Variants in FRMPD2 observed in about 807,000 individuals in gnomAD.
FRMPD2 encodes the protein FERM and PDZ domain-containing protein 2.
In FRMPD2, 96 loss-of-function variants were observed where a neutral mutation model predicts 140.1. The observed-to-expected ratio is 0.69, with a 90% CI of 0.58 to 0.81. The LOEUF is 0.81. Ranked by LOEUF, FRMPD2 falls within the 40% of genes least tolerant of loss-of-function variation. The probability of loss-of-function intolerance (pLI) is 0.00; values close to 1 mark genes in which losing one functional copy is unlikely to be tolerated. For missense variants in FRMPD2, 1,240 were observed against 1,447.4 expected, an observed-to-expected ratio of 0.86 and a Z score of 2.32; for synonymous variants, 449 against 547.6, an observed-to-expected ratio of 0.82 and a Z score of 2.52.
chr10:48,240,606 G>A (rs1441194764), intron 5 of FRMPD2, 114 bp from the exon 6 acceptor site: 28 of 1,422,350 alleles, frequency 2.0e-5, no homozygotes, highest in Admixed American at 3.7e-5. Flanking sequence ...TGCCCTATAC[G>A]GTGACCTAAA....
intron 10 of FRMPD2, among the ~76,000 whole-genome samples, chr10:48,227,992 G>T (rs1434938949): frequency 1.3e-5 from 2 of 151,988 alleles, no homozygotes; most frequent in Non-Finnish European, 2.9e-5. Context: ...GTTTAAGATG[G>T]TAAAATTGTA....
chr10:48,232,025 G>A (rs1025927890), intron 10 of FRMPD2, 90 bp downstream of exon 10: 2 of 1,256,718 alleles, frequency 1.6e-6, no homozygotes, highest in African/African-American at 3.0e-5. Context: ...GTCTCAAACA[G>A]TTTTCCCAGA....
intron 13 of FRMPD2, among the ~76,000 whole-genome samples, chr10:48,207,265 T>C (rs1006193670): frequency 1.3e-5 from 2 of 152,084 alleles, no homozygotes; most frequent in African/African-American, 4.8e-5. Context: ...TTTTTTAGAA[T>C]TCATACTCTT....
chr10:48,188,887 T>A lies in FRMPD2; in HGVS notation c.2166-1595A>T, dbSNP rs548391578. ...CACTCATCTGAGGAACCTGGAGCAG[T>A]CACATTCATAGACCAGGAGGAGCAC... On this transcript the variant is annotated intron_variant, in intron 16 of 28. Transcript: ENST00000374201. 3.3e-5 allele frequency among the ~76,000 whole-genome samples: 5 copies of A among 152,240 alleles called. No individual in the cohort carries two copies. The South Asian group carries it at 1.0e-3, about 32-fold the overall frequency.
chr10:48,173,510 C>T (rs561123480), intron 24 of FRMPD2, among the ~76,000 whole-genome samples: 2 of 151,330 alleles, frequency 1.3e-5, no homozygotes, highest in Non-Finnish European at 2.9e-5. Flanking sequence ...TGCCCCCTCC[C>T]CTCCACCTCC....
chr10:48,238,674 T>C (rs1315860729), intron 7 of FRMPD2, among the ~76,000 whole-genome samples: 1 of 152,222 alleles, frequency 6.6e-6, no homozygotes, highest in Non-Finnish European at 1.5e-5. Context: ...CAGGTCACCA[T>C]GTGAATAAAT....
At chr10:48,183,437 G>A (rs1838597931) in intron 20 of FRMPD2, among the ~76,000 whole-genome samples, 1 of 152,058 alleles carries the variant, frequency 6.6e-6, no homozygotes, top group Non-Finnish European at 1.5e-5. Context: ...ATAGGCAGTT[G>A]TTGCTCTCTC....
chr10:48,249,041 C>T lies in FRMPD2; in HGVS notation c.289G>A (p.Glu97Lys), dbSNP rs530758831. 1 of 1,611,962 alleles carries T rather than the reference C, an allele frequency of 6.2e-7. No individual in the cohort carries two copies. The highest frequency in any genetic ancestry group is 1.1e-5 in the South Asian group (1 of 90,834). Residue 97 changes from glutamate (E) to lysine (K), a missense_variant, in exon 3 of 29, where the codon GAG becomes AAG. By Grantham distance (56) the Glu-to-Lys change is moderately conservative. Transcript: ENST00000374201. ...PELLQGQSED[E>K]QPDASQMHVY... ...CTTACCTGAGATGCATCAGGCTGCT[C>T]ATCCTCACTCTGTCCCTGTAGCAGT...
chr10:48,238,986 T>G (rs1195562491), intron 7 of FRMPD2, among the ~76,000 whole-genome samples: 1 of 152,168 alleles, frequency 6.6e-6, no homozygotes, highest in Non-Finnish European at 1.5e-5. Context: ...CTCTCCTCTC[T>G]CTCCTCTTTC....
intron 13 of FRMPD2, 149 bp from the exon 14 acceptor site, chr10:48,207,082 A>G: frequency 3.0e-6 from 2 of 676,960 alleles, no homozygotes; most frequent in Non-Finnish European, 4.7e-6. Context: ...CACTGGGTCA[A>G]ACAGATTTAT....
intron 1 of FRMPD2, among the ~76,000 whole-genome samples, chr10:48,252,291 C>T (rs2131970182): frequency 6.6e-6 from 1 of 152,306 alleles, no homozygotes; most frequent in South Asian, 2.1e-4. Context: ...GAGGGCTAGT[C>T]TTCTCTTCCC....
intron 28 of FRMPD2, among the ~76,000 whole-genome samples, chr10:48,160,683 A>G (rs1189488003): frequency 3.8e-5 from 5 of 132,038 alleles, no homozygotes; most frequent in Non-Finnish European, 8.1e-5. Context: ...TTTGTTGAAG[A>G]GTTTAACTCA....
intron 10 of FRMPD2, among the ~76,000 whole-genome samples, chr10:48,226,568 C>T (rs1201705358): frequency 2.0e-5 from 3 of 152,158 alleles, no homozygotes. Flanking sequence ...CCACTTTGAC[C>T]CTTGTGTTAT....
intron 27 of FRMPD2, among the ~76,000 whole-genome samples, chr10:48,164,440 C>T (rs1259087420): frequency 6.6e-6 from 1 of 150,382 alleles, no homozygotes; most frequent in Non-Finnish European, 1.5e-5. Flanking sequence ...CATGATTTTA[C>T]CTTTTCCTGA....
intron 12 of FRMPD2, among the ~76,000 whole-genome samples, chr10:48,218,353 A>G (rs998272508): frequency 6.6e-6 from 1 of 152,206 alleles, no homozygotes; most frequent in African/African-American, 2.4e-5. Context: ...TTAGGTAAAC[A>G]TGGCTCCTTT....
At chr10:48,273,881 G>T (rs1840810830) in intron 1 of FRMPD2, among the ~76,000 whole-genome samples, 1 of 147,904 alleles carries the variant, frequency 6.8e-6, no homozygotes. Flanking sequence ...CTCAATTGTT[G>T]CTTTAAAAAA....
intron 8 of FRMPD2, 35 bp downstream of exon 8, chr10:48,237,956 C>G (rs937499305): frequency 8.7e-6 from 14 of 1,613,812 alleles, no homozygotes; most frequent in Middle Eastern, 1.6e-4. Flanking sequence ...GCTCAAGCCT[C>G]CTTGAGGAGT....
At chr10:48,258,208 C>T (rs1840521576) in intron 1 of FRMPD2, among the ~76,000 whole-genome samples, 1 of 152,238 alleles carries the variant, frequency 6.6e-6, no homozygotes, top group African/African-American at 2.4e-5. Flanking sequence ...TGCCAGAAGG[C>T]AAACTGCATT....
chr10:48,240,364 G>T lies in FRMPD2; in HGVS notation c.696C>A (p.Cys232Ter). ...CTGCTTAGGGCACGTACCCACCTCT[G>T]CAAGGATGCAGACACTCCGGGGCCT... ...AAQAPECLHP[C>*]RVSERSTETQ... The change falls in exon 6 of 29, where the codon TGC (cysteine) becomes TGA (stop). Residue 232 changes from cysteine (C) to a stop codon, truncating the protein, a stop_gained. Coordinates refer to ENST00000374201, the MANE Select transcript of FRMPD2 (RefSeq NM_001018071.4). LOFTEE classifies it high-confidence loss of function. 6.2e-7 allele frequency: 1 copy of T among 1,611,760 alleles called. No individual in the cohort carries two copies.
Sources: gnomAD v4.1 joint callset for allele counts (sites outside exome capture counted in the v4.1 genomes callset) on GRCh38, gnomAD v4.1.1 for gene constraint, MANE v1.5 for transcripts, NCBI Gene and HGNC (gene_info 2026-07-23, HGNC 2026-07-21) for gene names.